AAK1: variants seen among roughly 807,000 people sequenced by gnomAD.
AAK1 encodes the protein AP2 associated kinase 1.
A neutral mutation model predicts 116.0 loss-of-function variants in AAK1; 37 were observed. The observed-to-expected ratio is 0.32, with a 90% CI of 0.25 to 0.42. The LOEUF (loss-of-function observed/expected upper bound fraction) is 0.42, where lower values mean the gene tolerates loss of function less well. Ranked by LOEUF, AAK1 falls within the 10% of genes least tolerant of loss-of-function variation. The pLI is 1.00. For missense variants in AAK1, 919 were observed against 1,170.6 expected (o/e 0.79, Z 3.14); for synonymous variants, 458 against 439.9 (o/e 1.04, Z -0.51).
chr2:69,543,029 C>A (rs1670785675), intron 4 of AAK1, among the ~76,000 whole-genome samples: 1 of 152,166 alleles, frequency 6.6e-6, no homozygotes, highest in Admixed American at 6.5e-5. Context: ...CTTGCCATAT[C>A]TTTTAGTAAG....
intron 3 of AAK1, among the ~76,000 whole-genome samples, chr2:69,552,046 C>T (rs1002778303): frequency 6.6e-6 from 1 of 152,082 alleles, no homozygotes; most frequent in African/African-American, 2.4e-5. Flanking sequence ...CTTAGAGTCA[C>T]TGAGAGAGGT....
In AAK1 at chr2:69,462,186, GT is replaced by G. The variant is rs1482845366; in HGVS notation, c.*13682del. 1 of 134,988 alleles carries G rather than the reference GT, an allele frequency of 7.4e-6. No homozygotes were observed. The highest frequency in any genetic ancestry group is 1.5e-5 in the Non-Finnish European group (1 of 64,986). 8.4% of individuals were successfully genotyped at this position (134,988 alleles called of 1,614,324 possible). A position where few individuals can be genotyped will look rare whatever the true frequency, so the allele number is the denominator to read the frequency against. On this transcript the variant is annotated 3_prime_UTR_variant, in exon 22 of 22. Transcript: ENST00000409085. ...TGAACAAAGAGAACACATGGACACA[GT>G]AAGGGGAACATCACACTCTGGGGAC... is the stretch of plus-strand genomic sequence containing the variant.
At chr2:69,611,025 T>C (rs1037070597) in intron 2 of AAK1, among the ~76,000 whole-genome samples, 10 of 152,178 alleles carry the variant, frequency 6.6e-5, no homozygotes, top group African/African-American at 2.4e-4. Context: ...TCTGGGTATA[T>C]ACCTGTTATG....
Position 69,530,067 on chromosome 2 carries a change from T to C in AAK1, c.812A>G (p.Asp271Gly). Residue 271 changes from aspartate (D) to glycine (G), a missense_variant, in exon 8 of 22, where the codon GAT (aspartate) becomes GGT (glycine). Transcript: ENST00000409085. ...ATTATCAGGAATTGTGAAGTTTCCA[T>C]CACAAATTGCCACCTGACTTTCCCC... Reference protein sequence around the residue: ...PFGESQVAICDGNFTIPDNSR... With the variant: ...PFGESQVAICGGNFTIPDNSR... 6.2e-7 allele frequency: 1 copy of C among 1,610,194 alleles called. No individual in the cohort carries two copies. The highest frequency in any genetic ancestry group is 8.5e-7 in the Non-Finnish European group (1 of 1,178,228).
At chr2:69,500,465 G>A (rs1675924009) in intron 16 of AAK1, among the ~76,000 whole-genome samples, 1 of 151,726 alleles carries the variant, frequency 6.6e-6, no homozygotes, top group African/African-American at 2.4e-5. Context: ...CTGGGCTACA[G>A]GTACAAATCT....
At chr2:69,541,418 G>A (rs867024858) in intron 5 of AAK1, among the ~76,000 whole-genome samples, 17 of 152,040 alleles carry the variant, frequency 1.1e-4, no homozygotes, top group African/African-American at 4.1e-4. Flanking sequence ...TTTTAGTAGA[G>A]ACGTGGTTTC....
intron 13 of AAK1, among the ~76,000 whole-genome samples, chr2:69,512,442 A>G (rs1179016917): frequency 2.0e-5 from 3 of 152,140 alleles, no homozygotes; most frequent in Non-Finnish European, 4.4e-5. Flanking sequence ...GTGCTTTTTA[A>G]TGGCTGCACA....
intron 2 of AAK1, among the ~76,000 whole-genome samples, chr2:69,568,992 C>A (rs1047833963): frequency 3.5e-4 from 53 of 152,224 alleles, no homozygotes; most frequent in African/African-American, 1.1e-3. Flanking sequence ...AATTCTATCC[C>A]CAAACCCAGA....
chr2:69,469,544 T>A lies in AAK1; in HGVS notation c.*6325A>T. On this transcript the variant is annotated 3_prime_UTR_variant, in exon 22 of 22. Coordinates refer to ENST00000409085, the MANE Select transcript of AAK1 (RefSeq NM_014911.5). ...AAGGATTTATACTAACCTAACCACA[T>A]GCCTTGACCCAGTTCCTTTGGTAAC... The A allele has an allele frequency of 3.0e-6, 3 of 985,418 alleles. No individual in the cohort carries two copies. Among genetic ancestry groups the A allele is most frequent in the Non-Finnish European group, 3.6e-6 (3 of 829,926 alleles). The allele number at this position is 985,418 out of a possible 1,614,324, so 61.0% of individuals were successfully genotyped here.
intron 18 of AAK1, chr2:69,481,175 CT>C (rs781076190): frequency 3.1e-4 from 119 of 390,084 alleles, no homozygotes; most frequent in Non-Finnish European, 4.0e-4. Context: ...TGAAGACTTT[CT>C]TTTAACAGGT....
At chr2:69,509,484 T>A in intron 13 of AAK1, 24 bp from the exon 14 acceptor site, 3 of 1,564,790 alleles carry the variant, frequency 1.9e-6, no homozygotes, top group Non-Finnish European at 2.6e-6. Flanking sequence ...AGACGGAAAG[T>A]GTTTCATTAA....
chr2:69,485,210 C>A lies in AAK1; in HGVS notation c.2366-2398G>T, dbSNP rs545967481. Among the ~76,000 whole-genome samples, 8 of 152,266 alleles carry A rather than the reference C, an allele frequency of 5.3e-5. No individual in the cohort carries two copies. The South Asian group carries it at 1.7e-3, about 32-fold the overall frequency. On this transcript the variant is annotated intron_variant, in intron 17 of 21. Transcript: ENST00000409085. ...AAGTTAGCACTCATATATTTGCAAT[C>A]TTGAAAAGCAATGGATAAAAAGTAA...
chr2:69,554,517 C>G (rs1671311644), intron 3 of AAK1, among the ~76,000 whole-genome samples: 1 of 152,154 alleles, frequency 6.6e-6, no homozygotes, highest in Non-Finnish European at 1.5e-5. Flanking sequence ...TTCATATAAA[C>G]TACATATTGC....
At chr2:69,635,221 G>A (rs1181442604) in intron 2 of AAK1, among the ~76,000 whole-genome samples, 2 of 152,176 alleles carry the variant, frequency 1.3e-5, no homozygotes, top group Non-Finnish European at 2.9e-5. Flanking sequence ...AATTACTAGG[G>A]AAATACAAAT....
chr2:69,602,945 T>A (rs1673642222), intron 2 of AAK1, among the ~76,000 whole-genome samples: 1 of 152,196 alleles, frequency 6.6e-6, no homozygotes, highest in African/African-American at 2.4e-5. Context: ...AAACTATGTA[T>A]TATCCCATTT....
intron 2 of AAK1, among the ~76,000 whole-genome samples, chr2:69,599,726 A>G (rs1049374222): frequency 1.3e-5 from 2 of 152,172 alleles, no homozygotes; most frequent in African/African-American, 4.8e-5. Flanking sequence ...AAGCAAGAAA[A>G]GCCTGAATTA....
chr2:69,598,870 T>TCA (rs1274989228), intron 2 of AAK1: 8 of 280,026 alleles, frequency 2.9e-5, no homozygotes, highest in Non-Finnish European at 4.3e-5. Context: ...AACTCAGATG[T>TCA]GTGATTGCAG....
chr2:69,502,477 C>T (rs1285559447), intron 16 of AAK1, among the ~76,000 whole-genome samples: 1 of 151,956 alleles, frequency 6.6e-6, no homozygotes, highest in Non-Finnish European at 1.5e-5. Context: ...CAAAATTAGC[C>T]TGGTGTGGTG....
intron 16 of AAK1, among the ~76,000 whole-genome samples, chr2:69,504,195 G>T (rs1248350249): frequency 6.8e-6 from 1 of 146,972 alleles, no homozygotes; most frequent in African/African-American, 2.5e-5. Context: ...TCAGGAGTTC[G>T]AGACTAGCAT....
Sources: allele counts gnomAD v4.1 joint callset (sites outside exome capture counted in the v4.1 genomes callset), GRCh38; gene constraint gnomAD v4.1.1; transcripts MANE v1.5; gene names NCBI Gene and HGNC (gene_info 2026-07-23, HGNC 2026-07-21).